Variants in LRRFIP1 observed in about 807,000 individuals in gnomAD.
LRRFIP1 encodes the protein LRR binding FLII interacting protein 1.
Under a neutral mutation model 104.4 loss-of-function variants are expected in LRRFIP1, and 62 were observed. The observed-to-expected ratio is 0.59, with a 90% CI of 0.48 to 0.73. The LOEUF (loss-of-function observed/expected upper bound fraction) is 0.73. Among genes scored for constraint, LRRFIP1 ranks in the 30% least tolerant of loss-of-function variants. The pLI, the probability that LRRFIP1 is intolerant of heterozygous loss-of-function variation, is 0.00. For synonymous variants in LRRFIP1, 300 were observed against 299.0 expected, an observed-to-expected ratio of 1.00 and a Z score of -0.03; for missense variants, 796 against 824.5, an observed-to-expected ratio of 0.97 and a Z score of 0.42.
At chr2:237,663,578 G>A (rs912932886) in intron 1 of LRRFIP1, among the ~76,000 whole-genome samples, 8 of 152,216 alleles carry the variant, frequency 5.3e-5, no homozygotes, top group African/African-American at 1.4e-4. Context: ...GTTAATTTCT[G>A]TTGTTTATAA....
Position 237,691,833 on chromosome 2 carries a change from G to C in LRRFIP1, c.97-16711G>C, listed in dbSNP as rs911117557. On this transcript the variant is annotated intron_variant, in intron 1 of 23. Coordinates refer to ENST00000308482, the MANE Select transcript of LRRFIP1 (RefSeq NM_001137550.2). This position sits in a 1 kb window ranked among gnomAD's most constrained non-coding sequence, Gnocchi z 5.4. The stretch of plus-strand genomic sequence containing the variant: ...TCCTCCAGGTCCTCTTTCCGGCGGG[G>C]GCCGGAGGGGTGGTGATGGACAGCC... Among the ~76,000 whole-genome samples the C allele has an allele frequency of 6.6e-6, 1 of 152,174 alleles. No individual in the cohort carries two copies. The highest frequency in any genetic ancestry group is 1.5e-5 in the Non-Finnish European group (1 of 68,002).
At position 237,753,473 on chromosome 2, in the gene LRRFIP1, A is replaced by C; in HGVS notation, c.1032A>C (p.Lys344Asn). Reference sequence around the variant, plus strand: ...AATCTAGGCGGCAGTACGAAGAGAAAAACAAAGTAAGCATTAGTATGATAC... The same window carrying C: ...AATCTAGGCGGCAGTACGAAGAGAACAACAAAGTAAGCATTAGTATGATAC... ...LAESRRQYEE[K>N]NKEFEREKHA... is the part of the protein sequence containing the mutation. The change falls in exon 15 of 24, where the codon AAA (lysine) becomes AAC (asparagine). Residue 344 changes from lysine to asparagine, a missense_variant. Coordinates refer to ENST00000308482, the MANE Select transcript of LRRFIP1 (RefSeq NM_001137550.2). The C allele has an allele frequency of 6.3e-7, 1 of 1,586,422 alleles. No individual in the cohort carries two copies. The highest frequency in any genetic ancestry group is 8.5e-7 in the Non-Finnish European group (1 of 1,173,158).
At chr2:237,707,408 A>G (rs1178259743) in intron 1 of LRRFIP1, among the ~76,000 whole-genome samples, 2 of 150,368 alleles carry the variant, frequency 1.3e-5, no homozygotes, top group Non-Finnish European at 3.0e-5. Context: ...ATACACACAC[A>G]CACTGCACTT....
chr2:237,644,215 C>T (rs181167272), intron 1 of LRRFIP1, among the ~76,000 whole-genome samples: 6 of 152,336 alleles, frequency 3.9e-5, no homozygotes, highest in South Asian at 2.1e-4. Flanking sequence ...ACTGCCGGCG[C>T]GATGAGCTCG....
At chr2:237,668,170 C>T (rs773503119) in intron 1 of LRRFIP1, among the ~76,000 whole-genome samples, 1 of 152,094 alleles carries the variant, frequency 6.6e-6, no homozygotes, top group African/African-American at 2.4e-5. Flanking sequence ...TCGGTGAAAT[C>T]GTGAAGCTGG....
chr2:237,703,079 C>G lies in LRRFIP1; in HGVS notation c.97-5465C>G, dbSNP rs1344873789. The stretch of plus-strand genomic sequence containing the variant: ...CTGTAGGGTGGGGACAGACCAGCCC[C>G]CATGAACCCTAGCGAGGGCCATGCC... On this transcript the variant is annotated intron_variant, in intron 1 of 23. Coordinates refer to ENST00000308482, the MANE Select transcript of LRRFIP1 (RefSeq NM_001137550.2). The surrounding 1 kb of genome is among the most constrained non-coding windows in gnomAD (Gnocchi z 4.3). 2.6e-5 allele frequency among the ~76,000 whole-genome samples: 4 copies of G among 152,142 alleles called. No individual in the cohort carries two copies. Among genetic ancestry groups the G allele is most frequent in the African/African-American group, 9.7e-5 (4 of 41,426 alleles).
intron 7 of LRRFIP1, among the ~76,000 whole-genome samples, chr2:237,724,568 T>C (rs1416916475): frequency 6.6e-6 from 1 of 152,166 alleles, no homozygotes; most frequent in African/African-American, 2.4e-5. Flanking sequence ...CAGAAAGCGC[T>C]CTTCACAGAG....
intron 19 of LRRFIP1, chr2:237,765,680 T>C (rs2060212274): frequency 2.1e-6 from 2 of 954,288 alleles, no homozygotes; most frequent in Non-Finnish European, 2.5e-6. Context: ...GAAGAAAATA[T>C]CTGTTTTCTA....
In LRRFIP1 at chr2:237,727,915, C is replaced by T. The variant is rs762075682; in HGVS notation, c.424C>T (p.Leu142=). The T allele has an allele frequency of 1.2e-6, 2 of 1,611,664 alleles. No homozygotes were observed. The highest frequency in any genetic ancestry group is 2.7e-5 in the African/African-American group (2 of 74,954). ...YDGELYGSQS[L]NRRSGRPSCL... ...TGGAGAATTGTATGGATCACAGTCC[C>T]TGAATAGAAGATCTGGCAGGGTTAG... The change falls in exon 8 of 24, where the codon CTG becomes TTG. Residue 142 remains leucine (L), a synonymous_variant. Coordinates refer to ENST00000308482, the MANE Select transcript of LRRFIP1 (RefSeq NM_001137550.2).
intron 1 of LRRFIP1, among the ~76,000 whole-genome samples, chr2:237,695,558 C>T (rs557652236): frequency 6.6e-6 from 1 of 152,318 alleles, no homozygotes; most frequent in South Asian, 2.1e-4. Flanking sequence ...ACTGGTTACT[C>T]ATATGCCAGT....
intron 11 of LRRFIP1, among the ~76,000 whole-genome samples, chr2:237,740,936 T>A (rs1202834363): frequency 1.3e-5 from 2 of 152,158 alleles, no homozygotes; most frequent in Non-Finnish European, 1.5e-5. Flanking sequence ...TAGAGTTCAA[T>A]ATGGGTGGGC....
Position 237,710,928 on chromosome 2 carries a change from G to A in LRRFIP1, c.183+2298G>A, listed in dbSNP as rs150332080. Among the ~76,000 whole-genome samples, 456 of 152,268 alleles carry A rather than the reference G, an allele frequency of 3.0e-3. 1 individual carries two copies. Among genetic ancestry groups the A allele is most frequent in the African/African-American group, 0.01 (436 of 41,546 alleles). On this transcript the variant is annotated intron_variant, in intron 2 of 23. Transcript: ENST00000308482. ...AATAAAAAATAAGCCAGGCGTGGTG[G>A]CATGCACCTGTAGTCCCAGCTACTC...
At chr2:237,689,098 G>A (rs1441805172) in intron 1 of LRRFIP1, among the ~76,000 whole-genome samples, 1 of 151,626 alleles carries the variant, frequency 6.6e-6, no homozygotes, top group African/African-American at 2.4e-5. Context: ...TACCTCAGAA[G>A]GGGGCTTCAA....
chr2:237,633,707 T>G (rs1189200958), intron 1 of LRRFIP1, among the ~76,000 whole-genome samples: 1 of 151,984 alleles, frequency 6.6e-6, no homozygotes, highest in African/African-American at 2.4e-5. Context: ...GTTCCGAGTC[T>G]CTCTGTTTGA....
At chr2:237,701,672 A>G (rs1162951079) in intron 1 of LRRFIP1, among the ~76,000 whole-genome samples, 1 of 151,196 alleles carries the variant, frequency 6.6e-6, no homozygotes, top group East Asian at 1.9e-4. Context: ...GAGCCCTGGA[A>G]GAACAGGCAT....
chr2:237,717,455 C>T lies in LRRFIP1; in HGVS notation c.202-307C>T, dbSNP rs2094381651. On this transcript the variant is annotated intron_variant, in intron 3 of 23. Transcript: ENST00000308482. The surrounding 1 kb of genome is among the most constrained non-coding windows in gnomAD (Gnocchi z 4.2). Reference sequence around the variant, plus strand: ...TGGAGGGGGCGTGAAGGCTGCTGGGCCGGCTTTACTGTCCTGCTCTCCCCC... The same window carrying T: ...TGGAGGGGGCGTGAAGGCTGCTGGGTCGGCTTTACTGTCCTGCTCTCCCCC... Among the ~76,000 whole-genome samples, 4 of 152,210 alleles carry T rather than the reference C, an allele frequency of 2.6e-5. No homozygotes were observed. The highest frequency in any genetic ancestry group is 2.6e-4 in the Admixed American group (4 of 15,280).
chr2:237,632,435 C>A lies in LRRFIP1; in HGVS notation c.96+4695C>A, dbSNP rs539591713. Among the ~76,000 whole-genome samples the A allele has an allele frequency of 1.3e-4, 20 of 152,362 alleles. No homozygotes were observed. The South Asian group carries it at 2.9e-3, about 22-fold the overall frequency. On this transcript the variant is annotated intron_variant, in intron 1 of 23. Transcript: ENST00000308482. Reference sequence around the variant, plus strand: ...GCCCTTCCCTGACTGGCCTGCCCCCCTCATGCCCCTGCTGGGACAGGGCTC... The same window carrying A: ...GCCCTTCCCTGACTGGCCTGCCCCCATCATGCCCCTGCTGGGACAGGGCTC...
chr2:237,693,468 T>A (rs1258054347), intron 1 of LRRFIP1, among the ~76,000 whole-genome samples: 2 of 152,194 alleles, frequency 1.3e-5, no homozygotes, highest in Non-Finnish European at 2.9e-5. Flanking sequence ...TCTTTGCTTG[T>A]CAGATGGTTG....
chr2:237,710,809 C>G (rs35599957), intron 2 of LRRFIP1, among the ~76,000 whole-genome samples: 27,089 of 152,100 alleles, frequency 0.18, 2,961 homozygotes, highest in East Asian at 0.31. Flanking sequence ...AAAGGAAGCC[C>G]TTTTCTGTTG....
Sources: allele counts gnomAD v4.1 joint callset (sites outside exome capture counted in the v4.1 genomes callset), GRCh38; gene constraint gnomAD v4.1.1; non-coding constraint Gnocchi (gnomAD v3.1); transcripts MANE v1.5; gene names NCBI Gene and HGNC (gene_info 2026-07-23, HGNC 2026-07-21).